Variants in ADARB2 observed in about 807,000 individuals in gnomAD.
The protein encoded by ADARB2 is inactive double-stranded RNA-specific editase B2.
In ADARB2, 25 loss-of-function variants were observed where a neutral mutation model predicts 62.2. The ratio of observed to expected loss-of-function variants is 0.40; its 90% confidence interval spans 0.29 to 0.56. The LOEUF (loss-of-function observed/expected upper bound fraction) is 0.56, where lower values mean the gene tolerates loss of function less well. ADARB2 is among the 20% of genes least tolerant of loss of function. The pLI, the probability that ADARB2 is intolerant of heterozygous loss-of-function variation, is 0.43. For missense variants in ADARB2, 1,071 were observed against 1,077.4 expected (o/e 0.99, Z 0.08); for synonymous variants, 572 against 500.8 (o/e 1.14, Z -1.90).
At chr10:1,680,711 G>A (rs1834525611) in intron 1 of ADARB2, among the ~76,000 whole-genome samples, 1 of 152,172 alleles carries the variant, frequency 6.6e-6, no homozygotes, top group South Asian at 2.1e-4. Flanking sequence ...GGACAGTTTT[G>A]CTTTAATAAT....
chr10:1,731,887 G>C (rs928651931), intron 1 of ADARB2, among the ~76,000 whole-genome samples: 2 of 152,108 alleles, frequency 1.3e-5, no homozygotes, highest in African/African-American at 4.8e-5. Context: ...CGTATATTCG[G>C]TTTCAAAATG....
intron 1 of ADARB2, among the ~76,000 whole-genome samples, chr10:1,431,014 C>G (rs1361614469): frequency 6.6e-6 from 1 of 152,158 alleles, no homozygotes; most frequent in Non-Finnish European, 1.5e-5. Context: ...AACTCCTAGA[C>G]TAAAAGTCAG....
intron 5 of ADARB2, 25 bp from the exon 6 acceptor site, chr10:1,233,870 T>C: frequency 1.9e-6 from 3 of 1,602,760 alleles, no homozygotes; most frequent in Non-Finnish European, 2.6e-6. Flanking sequence ...AGGTTTGGGG[T>C]CATTTATCAC....
intron 1 of ADARB2, among the ~76,000 whole-genome samples, chr10:1,592,909 A>C (rs1833280130): frequency 1.1e-4 from 7 of 62,074 alleles, no homozygotes; most frequent in Non-Finnish European, 2.3e-4. Context: ...CACCCTCCAT[A>C]GGTCTCCTCT....
intron 1 of ADARB2, among the ~76,000 whole-genome samples, chr10:1,546,204 C>T (rs948976267): frequency 1.3e-5 from 2 of 152,132 alleles, no homozygotes; most frequent in Non-Finnish European, 2.9e-5. Context: ...CGTGAACTCC[C>T]GATTTTAGTC....
chr10:1,609,788 G>A (rs569711859), intron 1 of ADARB2, among the ~76,000 whole-genome samples: 7 of 152,146 alleles, frequency 4.6e-5, no homozygotes, highest in Non-Finnish European at 8.8e-5. Context: ...AGAGTGTGTC[G>A]CCCTGTGTCT....
chr10:1,405,558 A>C (rs574437401), intron 1 of ADARB2, among the ~76,000 whole-genome samples: 3 of 142,018 alleles, frequency 2.1e-5, no homozygotes, highest in Admixed American at 7.8e-5. Flanking sequence ...TGAACCTGGG[A>C]GGCAGAGAGG....
At chr10:1,710,400 T>C (rs1834936453) in intron 1 of ADARB2, among the ~76,000 whole-genome samples, 1 of 152,222 alleles carries the variant, frequency 6.6e-6, no homozygotes, top group South Asian at 2.1e-4. Context: ...AGGAGAAATA[T>C]AATGGATAAG....
At chr10:1,699,044 A>G (rs1834785791) in intron 1 of ADARB2, among the ~76,000 whole-genome samples, 1 of 152,222 alleles carries the variant, frequency 6.6e-6, no homozygotes, top group Non-Finnish European at 1.5e-5. Context: ...TACAGGCATG[A>G]GCCACCATGC....
chr10:1,480,606 G>A (rs1831456265), intron 1 of ADARB2, among the ~76,000 whole-genome samples: 2 of 152,146 alleles, frequency 1.3e-5, no homozygotes, highest in African/African-American at 4.8e-5. Context: ...GCTGAGGTAG[G>A]AGAATGGTGT....
At chr10:1,396,652 C>CG (rs1832617371) in intron 1 of ADARB2, among the ~76,000 whole-genome samples, 1 of 140,360 alleles carries the variant, frequency 7.1e-6, no homozygotes. Context: ...GGTCACTGTC[C>CG]TCCTCTCCCC....
chr10:1,242,964 AAGG>A (rs1168361486), intron 4 of ADARB2, among the ~76,000 whole-genome samples: 1 of 152,220 alleles, frequency 6.6e-6, no homozygotes, highest in Non-Finnish European at 1.5e-5. Context: ...CACTTTGTTT[AAGG>A]AGGAGAAGCT....
At chr10:1,707,153 T>C (rs1194846190) in intron 1 of ADARB2, among the ~76,000 whole-genome samples, 2 of 152,242 alleles carry the variant, frequency 1.3e-5, no homozygotes, top group Non-Finnish European at 2.9e-5. Flanking sequence ...CCTTTACAGG[T>C]GCTTCCTTCA....
intron 7 of ADARB2, among the ~76,000 whole-genome samples, chr10:1,206,358 TGA>T (rs1190537940): frequency 6.6e-6 from 1 of 152,052 alleles, no homozygotes; most frequent in Non-Finnish European, 1.5e-5. Flanking sequence ...CCTGTGCGTC[TGA>T]GAGAACTGGG....
chr10:1,672,848 C>G (rs1834409354), intron 1 of ADARB2, among the ~76,000 whole-genome samples: 1 of 152,168 alleles, frequency 6.6e-6, no homozygotes, highest in African/African-American at 2.4e-5. Flanking sequence ...GAGGACAAAT[C>G]ATTTTACAAA....
chr10:1,730,488 C>G (rs892578680), intron 1 of ADARB2, among the ~76,000 whole-genome samples: 2 of 152,270 alleles, frequency 1.3e-5, no homozygotes, highest in South Asian at 4.1e-4. Flanking sequence ...CCTAGTTGCC[C>G]TCTGCCTTGG....
At chr10:1,733,113 C>A (rs1030958623) in intron 1 of ADARB2, among the ~76,000 whole-genome samples, 3 of 152,202 alleles carry the variant, frequency 2.0e-5, no homozygotes, top group African/African-American at 7.2e-5. Context: ...GCAACCCGAC[C>A]GGCCCCGGAT....
At chr10:1,617,987 T>G (rs17294005) in intron 1 of ADARB2, among the ~76,000 whole-genome samples, 9,766 of 152,334 alleles carry the variant, frequency 0.064, 468 homozygotes, top group South Asian at 0.18. Context: ...GTCCACTTTT[T>G]TCCCCTAAGG....
chr10:1,410,953 G>A (rs907320868), intron 1 of ADARB2, among the ~76,000 whole-genome samples: 5 of 152,192 alleles, frequency 3.3e-5, no homozygotes, highest in Admixed American at 1.3e-4. Flanking sequence ...TCCTGGAGGC[G>A]AAGGGCTGAG....
Sources: gnomAD v4.1 joint callset for allele counts (sites outside exome capture counted in the v4.1 genomes callset) on GRCh38, gnomAD v4.1.1 for gene constraint, MANE v1.5 for transcripts, NCBI Gene and HGNC (gene_info 2026-07-23, HGNC 2026-07-21) for gene names.